The following PARD3 variants were observed in gnomAD, a reference collection of about 807,000 sequenced individuals.
PARD3 encodes partitioning defective 3 homolog.
A neutral mutation model predicts 155.4 loss-of-function variants in PARD3; 75 were observed. That is an observed-to-expected ratio of 0.48 (90% CI 0.40 to 0.58). The LOEUF is 0.58. Among genes scored for constraint, PARD3 ranks in the 20% least tolerant of loss-of-function variants. The probability of loss-of-function intolerance (pLI) is 0.00; values close to 1 mark genes in which losing one functional copy is unlikely to be tolerated. For synonymous variants in PARD3, 576 were observed against 610.5 expected, an observed-to-expected ratio of 0.94 and a Z score of 0.83; for missense variants, 1,642 against 1,721.7, an observed-to-expected ratio of 0.95 and a Z score of 0.82.
chr10:34,334,221 G>C (rs542846331), intron 18 of PARD3, among the ~76,000 whole-genome samples: 1 of 150,856 alleles, frequency 6.6e-6, no homozygotes, highest in South Asian at 2.1e-4. Context: ...TATAATTTGA[G>C]GAGAAATATT....
chr10:34,419,521 A>G (rs1341284516), intron 5 of PARD3, among the ~76,000 whole-genome samples: 1 of 152,196 alleles, frequency 6.6e-6, no homozygotes, highest in Non-Finnish European at 1.5e-5. Context: ...CGTCTCAAAA[A>G]AAAAGAAAAG....
At chr10:34,613,537 C>T (rs2091053850) in intron 2 of PARD3, among the ~76,000 whole-genome samples, 1 of 152,186 alleles carries the variant, frequency 6.6e-6, no homozygotes, top group Non-Finnish European at 1.5e-5. Context: ...CTGAAATGCA[C>T]ATGGTCCAGC....
At chr10:34,242,900 A>C (rs1953700964) in intron 22 of PARD3, among the ~76,000 whole-genome samples, 1 of 152,126 alleles carries the variant, frequency 6.6e-6, no homozygotes, top group Non-Finnish European at 1.5e-5. Context: ...ACACTATTGC[A>C]CTCCAACCTG....
chr10:34,448,817 T>A (rs912260143), intron 5 of PARD3, among the ~76,000 whole-genome samples: 1 of 151,770 alleles, frequency 6.6e-6, no homozygotes, highest in Non-Finnish European at 1.5e-5. Context: ...AAAAATTAAA[T>A]TAAATTAAAT....
chr10:34,221,349 C>T (rs73268988), intron 22 of PARD3, among the ~76,000 whole-genome samples: 5,751 of 150,666 alleles, frequency 0.038, 338 homozygotes, highest in African/African-American at 0.13. Context: ...TGCTGAGAGC[C>T]TCAGGAGGCC....
At chr10:34,147,109 T>G (rs1948547818) in intron 22 of PARD3, among the ~76,000 whole-genome samples, 1 of 150,976 alleles carries the variant, frequency 6.6e-6, no homozygotes, top group African/African-American at 2.5e-5. Flanking sequence ...AAAAAAAAAC[T>G]TTTGAGATTT....
chr10:34,406,899 A>T (rs931637377), intron 5 of PARD3, among the ~76,000 whole-genome samples: 1 of 152,168 alleles, frequency 6.6e-6, no homozygotes, highest in Non-Finnish European at 1.5e-5. Context: ...TCACATTGCC[A>T]TGTGCTGTGA....
intron 1 of PARD3, among the ~76,000 whole-genome samples, chr10:34,774,194 A>G (rs2134116219): frequency 6.6e-6 from 1 of 152,326 alleles, no homozygotes; most frequent in East Asian, 1.9e-4. Context: ...TCTCATTATT[A>G]GGAAATTATA....
intron 2 of PARD3, among the ~76,000 whole-genome samples, chr10:34,643,657 C>G (rs934003333): frequency 6.6e-6 from 1 of 152,196 alleles, no homozygotes. Context: ...TGGCGGCTCA[C>G]ACCTATAATC....
In PARD3 at chr10:34,377,889, A is replaced by G. The variant is rs538207064; in HGVS notation, c.1539+78T>C. 45 of 1,161,222 alleles carry G rather than the reference A, an allele frequency of 3.9e-5. No individual in the cohort carries two copies. In the African/African-American group the frequency reaches 6.2e-4, roughly 16 times the overall value. 71.9% of individuals were successfully genotyped at this position (1,161,222 alleles called of 1,614,324 possible). On this transcript the variant is annotated intron_variant, in intron 10 of 24. Transcript: ENST00000374788. ...ATATAACTGAATTTCATATTTTATG[A>G]AAATGTTTTTAAAAGTTGGCTCCTG...
intron 22 of PARD3, among the ~76,000 whole-genome samples, chr10:34,220,281 T>A (rs1763144095): frequency 6.6e-6 from 1 of 152,086 alleles, no homozygotes. Flanking sequence ...GGGAGTGACA[T>A]CCCGCGTTTT....
chr10:34,496,253 A>C (rs964450553), intron 3 of PARD3, among the ~76,000 whole-genome samples: 2 of 152,108 alleles, frequency 1.3e-5, no homozygotes, highest in Non-Finnish European at 2.9e-5. Context: ...AAAACTGATA[A>C]AGAAACAGAT....
At chr10:34,543,077 A>G (rs2083762896) in intron 2 of PARD3, among the ~76,000 whole-genome samples, 1 of 151,264 alleles carries the variant, frequency 6.6e-6, no homozygotes, top group Admixed American at 6.6e-5. Flanking sequence ...ATCCATAAGG[A>G]ATATTCTGAC....
chr10:34,766,999 C>T (rs115339712), intron 1 of PARD3, among the ~76,000 whole-genome samples: 1 of 152,176 alleles, frequency 6.6e-6, no homozygotes, highest in African/African-American at 2.4e-5. Flanking sequence ...ACAAGCAGCA[C>T]ATCCCTAAAC....
At chr10:34,119,235 G>A (rs1946846829) in intron 24 of PARD3, among the ~76,000 whole-genome samples, 1 of 152,202 alleles carries the variant, frequency 6.6e-6, no homozygotes, top group Admixed American at 6.5e-5. Context: ...GATTTATGAA[G>A]TATCATTTAT....
intron 2 of PARD3, among the ~76,000 whole-genome samples, chr10:34,670,284 C>T (rs1327912311): frequency 3.3e-5 from 5 of 152,242 alleles, no homozygotes; most frequent in Admixed American, 1.3e-4. Flanking sequence ...AAGCTGACAC[C>T]AATACCAGCC....
chr10:34,515,798 T>C (rs1490673203), intron 3 of PARD3, among the ~76,000 whole-genome samples: 1 of 151,986 alleles, frequency 6.6e-6, no homozygotes, highest in Non-Finnish European at 1.5e-5. Context: ...AAATATTATC[T>C]ACCTATATTC....
At chr10:34,270,770 G>A (rs1367913966) in intron 21 of PARD3, among the ~76,000 whole-genome samples, 4 of 152,088 alleles carry the variant, frequency 2.6e-5, no homozygotes, top group African/African-American at 9.7e-5. Flanking sequence ...CAGAAATGGA[G>A]AATCCTTAAA....
chr10:34,466,946 TACTATTTAAGTATATC>T (rs1226256190), intron 4 of PARD3, among the ~76,000 whole-genome samples: 3 of 152,130 alleles, frequency 2.0e-5, no homozygotes, highest in Non-Finnish European at 4.4e-5. Context: ...CATTACACAT[TACTATTTAAGTATATC>T]ATATGCGAAT....
Sources: allele counts gnomAD v4.1 joint callset (sites outside exome capture counted in the v4.1 genomes callset), GRCh38; gene constraint gnomAD v4.1.1; transcripts MANE v1.5; gene names NCBI Gene and HGNC (gene_info 2026-07-23, HGNC 2026-07-21).